Variants in ATL2 observed in about 807,000 individuals in gnomAD.
ATL2 encodes the protein atlastin-2.
In ATL2, 31 loss-of-function variants were observed where a neutral mutation model predicts 73.9. The observed-to-expected ratio is 0.42, with a 90% CI of 0.32 to 0.57. The LOEUF is 0.57. Among genes scored for constraint, ATL2 ranks in the 20% least tolerant of loss-of-function variants. The pLI, the probability that ATL2 is intolerant of heterozygous loss-of-function variation, is 0.14. For missense variants in ATL2, 738 were observed against 702.6 expected (o/e 1.05, Z -0.57); for synonymous variants, 291 against 237.5 (o/e 1.23, Z -2.07).
intron 2 of ATL2, among the ~76,000 whole-genome samples, chr2:38,338,667 T>C (rs1669516937): frequency 6.6e-6 from 1 of 152,132 alleles, no homozygotes; most frequent in Non-Finnish European, 1.5e-5. Context: ...TCTTTGAGGT[T>C]GGGGTGGAAT....
At chr2:38,376,148 T>C in intron 1 of ATL2, 1 of 1,532,036 alleles carries the variant, frequency 6.5e-7, no homozygotes, top group Non-Finnish European at 8.8e-7. Flanking sequence ...TATAAGCCTT[T>C]GAAAAAACTT....
chr2:38,352,690 C>T (rs752851567), intron 1 of ATL2, among the ~76,000 whole-genome samples: 2 of 152,202 alleles, frequency 1.3e-5, no homozygotes, highest in East Asian at 3.8e-4. Context: ...CTTTGGAGTT[C>T]TGGCCCAGCC....
chr2:38,314,391 A>G (rs535587747), intron 6 of ATL2, among the ~76,000 whole-genome samples: 18 of 152,240 alleles, frequency 1.2e-4, no homozygotes, highest in African/African-American at 4.3e-4. Context: ...TCTAAGTGAA[A>G]GCATTAAGAA....
intron 1 of ATL2, chr2:38,376,578 C>G (rs1460269317): frequency 6.3e-6 from 1 of 158,624 alleles, no homozygotes; most frequent in Admixed American, 6.4e-5. Context: ...CTGCGGACTG[C>G]GGTTCCCTCC....
chr2:38,342,133 C>T (rs80314441), intron 2 of ATL2, among the ~76,000 whole-genome samples: 5 of 149,738 alleles, frequency 3.3e-5, no homozygotes, highest in South Asian at 2.1e-4. Context: ...TTTTTTTTTT[C>T]AGGAGAGAAA....
chr2:38,349,176 T>G (rs1384688107), intron 1 of ATL2, among the ~76,000 whole-genome samples: 1 of 152,096 alleles, frequency 6.6e-6, no homozygotes, highest in African/African-American at 2.4e-5. Context: ...TTACTGGGTA[T>G]ATACCCAAAG....
chr2:38,378,345 A>G (rs183024669), upstream of ATL2, among the ~76,000 whole-genome samples: 529 of 152,214 alleles, frequency 3.5e-3, 10 homozygotes, highest in Admixed American at 0.029. Context: ...GGTTCAAGCA[A>G]TTCTCTGCCT....
intron 2 of ATL2, among the ~76,000 whole-genome samples, chr2:38,328,162 G>C (rs139859590): frequency 3.9e-4 from 59 of 152,288 alleles, no homozygotes; most frequent in African/African-American, 1.3e-3. Flanking sequence ...CAAAGATTAA[G>C]AGTTGCATTA....
At chr2:38,327,917 G>C (rs1414396360) in intron 2 of ATL2, among the ~76,000 whole-genome samples, 1 of 152,128 alleles carries the variant, frequency 6.6e-6, no homozygotes, top group Non-Finnish European at 1.5e-5. Flanking sequence ...GCCTGGGTGA[G>C]AGAGTAAGAT....
At chr2:38,371,392 T>C (rs551425591) in intron 1 of ATL2, among the ~76,000 whole-genome samples, 2 of 151,996 alleles carry the variant, frequency 1.3e-5, no homozygotes, top group South Asian at 4.2e-4. Flanking sequence ...CCTGTAGTCT[T>C]AGTTACTGAA....
At chr2:38,349,334 T>A (rs1179323862) in intron 1 of ATL2, among the ~76,000 whole-genome samples, 1 of 151,662 alleles carries the variant, frequency 6.6e-6, no homozygotes. Flanking sequence ...CATGGAATAC[T>A]ATGCAGCCAT....
intron 9 of ATL2, among the ~76,000 whole-genome samples, chr2:38,306,370 A>C (rs1280195524): frequency 6.6e-6 from 1 of 152,236 alleles, no homozygotes. Flanking sequence ...GGAGGAGGGA[A>C]TATTTCCAAA....
chr2:38,331,291 C>T (rs1025502522), intron 2 of ATL2, among the ~76,000 whole-genome samples: 1 of 151,900 alleles, frequency 6.6e-6, no homozygotes, highest in African/African-American at 2.4e-5. Flanking sequence ...CAAAAAGTAG[C>T]TGGGCATGGT....
chr2:38,365,131 T>TCATACA (rs1671238016), intron 1 of ATL2, among the ~76,000 whole-genome samples: 1 of 120,902 alleles, frequency 8.3e-6, no homozygotes, highest in Non-Finnish European at 1.7e-5. Context: ...AGCAAGGGAA[T>TCATACA]CATACACACA....
chr2:38,296,813 A>G lies in ATL2; in HGVS notation c.1633-700T>C, dbSNP rs541492278. The G allele has an allele frequency of 6.2e-6, 9 of 1,461,676 alleles. No homozygotes were observed. In the South Asian group the frequency reaches 9.1e-5, roughly 15 times the overall value. The allele number at this position is 1,461,676 out of a possible 1,614,324, so 90.5% of individuals were successfully genotyped here. A position where few individuals can be genotyped will look rare whatever the true frequency, so the allele number is the denominator to read the frequency against. Reference sequence around the variant, plus strand: ...TAAACTATACTGAAAATGATTTTATACACTTTAGATTCTTCCATTTAATTG... The same window carrying G: ...TAAACTATACTGAAAATGATTTTATGCACTTTAGATTCTTCCATTTAATTG... On this transcript the variant is annotated intron_variant, in intron 12 of 12. Coordinates refer to ENST00000378954, the MANE Select transcript of ATL2 (RefSeq NM_001135673.4).
At chr2:38,347,088 T>G (rs993883840) in intron 1 of ATL2, among the ~76,000 whole-genome samples, 6 of 152,238 alleles carry the variant, frequency 3.9e-5, no homozygotes, top group Admixed American at 3.9e-4. Flanking sequence ...TACTTATTTA[T>G]TAAATGTCTC....
intron 12 of ATL2, 96 bp downstream of exon 12, chr2:38,298,048 C>T (rs568424293): frequency 7.4e-5 from 86 of 1,165,472 alleles, no homozygotes; most frequent in Admixed American, 9.7e-5. Flanking sequence ...TGACATTCCT[C>T]ACATGAAGGC....
intron 9 of ATL2, among the ~76,000 whole-genome samples, chr2:38,301,223 GC>G (rs1203033583): frequency 6.6e-6 from 1 of 152,144 alleles, no homozygotes; most frequent in East Asian, 1.9e-4. Context: ...GCCCACTTTA[GC>G]CTCCCAAAGT....
Position 38,294,182 on chromosome 2 carries a change from G to A in ATL2, c.*1812C>T, listed in dbSNP as rs781740639. Among the ~76,000 whole-genome samples, 5 of 152,176 alleles carry A rather than the reference G, an allele frequency of 3.3e-5. No homozygotes were observed. The highest frequency in any genetic ancestry group is 9.7e-5 in the African/African-American group (4 of 41,440). ...ACAGAATCTGAATGGGAGTGGGAGC[G>A]AAGATGTATCAACCAAAGTAAATTC... On this transcript the variant is annotated 3_prime_UTR_variant, in exon 13 of 13. Transcript: ENST00000378954.
Sources: gnomAD v4.1 joint callset for allele counts (sites outside exome capture counted in the v4.1 genomes callset) on GRCh38, gnomAD v4.1.1 for gene constraint, MANE v1.5 for transcripts, NCBI Gene and HGNC (gene_info 2026-07-23, HGNC 2026-07-21) for gene names.